The following HIBADH variants were observed in gnomAD, a reference collection of about 807,000 sequenced individuals.
HIBADH encodes 3-hydroxyisobutyrate dehydrogenase.
HIBADH carries 25 observed loss-of-function variants against 36.1 expected under a neutral mutation model. That is an observed-to-expected ratio of 0.69 (90% CI 0.50 to 0.97). The LOEUF is 0.97. HIBADH is among the 50% of genes least tolerant of loss of function. The pLI is 0.00. For synonymous variants in HIBADH, 160 were observed against 149.5 expected (o/e 1.07, Z -0.51); for missense variants, 421 against 418.0 (o/e 1.01, Z -0.06).
chr7:27,646,540 T>C (rs1368845633), intron 2 of HIBADH, among the ~76,000 whole-genome samples: 1 of 150,314 alleles, frequency 6.7e-6, no homozygotes, highest in Non-Finnish European at 1.5e-5. Context: ...TTCTGGTTTG[T>C]TTTTTTTTCT....
chr7:27,626,809 G>T (rs1417149426), intron 4 of HIBADH, among the ~76,000 whole-genome samples: 2 of 152,118 alleles, frequency 1.3e-5, no homozygotes, highest in Non-Finnish European at 2.9e-5. Flanking sequence ...ATAAATCCAT[G>T]ATGCATTTTT....
chr7:27,649,618 A>T lies in HIBADH; in HGVS notation c.107T>A (p.Val36Glu). The part of the protein sequence containing the change: ...GSFAAVCSRS[V>E]ASKTPVGFIG... ...GAATCCAACTGGAGTCTTTGAAGCC[A>T]CTGACCTAGAACACACTGATTTCAA... The change falls in exon 2 of 8, where the codon GTG becomes GAG. Residue 36 changes from valine to glutamate, a missense_variant. Val to Glu is a moderately radical substitution (Grantham distance 121, BLOSUM62 -2). Coordinates refer to ENST00000265395, the MANE Select transcript of HIBADH (RefSeq NM_152740.4). 9 of 1,613,132 alleles carry T rather than the reference A, an allele frequency of 5.6e-6. No individual in the cohort carries two copies. Among genetic ancestry groups the T allele is most frequent in the Non-Finnish European group, 7.6e-6 (9 of 1,179,456 alleles).
At chr7:27,645,720 C>A (rs1189047099) in intron 2 of HIBADH, among the ~76,000 whole-genome samples, 1 of 152,082 alleles carries the variant, frequency 6.6e-6, no homozygotes, top group African/African-American at 2.4e-5. Flanking sequence ...TGATGTTGAG[C>A]ATCTTTTCAC....
At chr7:27,562,131 G>A (rs1309039678) in intron 4 of HIBADH, among the ~76,000 whole-genome samples, 1 of 151,882 alleles carries the variant, frequency 6.6e-6, no homozygotes, top group Non-Finnish European at 1.5e-5. Context: ...TTTCCTCTAT[G>A]TGATTTTTAT....
At position 27,649,457 on chromosome 7, in the gene HIBADH, A is replaced by G; in HGVS notation, c.252+16T>C. ...CATTCTCAAAATCTAAAACAAATCT[A>G]AAGAAAAGGTCTTACCTGTTCACCT... is the stretch of plus-strand genomic sequence containing the variant. On this transcript the variant is annotated intron_variant, in intron 2 of 7. Transcript: ENST00000265395. 2 of 1,559,122 alleles carry G rather than the reference A, an allele frequency of 1.3e-6. No homozygotes were observed. The highest frequency in any genetic ancestry group is 1.2e-5 in the South Asian group (1 of 81,988).
At chr7:27,597,615 C>T (rs1785053152) in intron 4 of HIBADH, among the ~76,000 whole-genome samples, 1 of 152,112 alleles carries the variant, frequency 6.6e-6, no homozygotes, top group Admixed American at 6.5e-5. Context: ...TAGTCAAAGA[C>T]ATGAGTGGAC....
intron 4 of HIBADH, among the ~76,000 whole-genome samples, chr7:27,603,309 C>CA (rs1390901106): frequency 6.6e-6 from 1 of 152,134 alleles, no homozygotes; most frequent in Admixed American, 6.6e-5. Flanking sequence ...GGCACAATTT[C>CA]ATTGTTTTTT....
chr7:27,601,629 G>A lies in HIBADH; in HGVS notation c.484+27742C>T, dbSNP rs187906298. On this transcript the variant is annotated intron_variant, in intron 4 of 7. Coordinates refer to ENST00000265395, the MANE Select transcript of HIBADH (RefSeq NM_152740.4). ...TAAAAATTTAAAAATTTAAGGTAAA[G>A]GGGAAAATACGTAAAGCTGTCCTGT... Among the ~76,000 whole-genome samples, 12 of 152,154 alleles carry A rather than the reference G, an allele frequency of 7.9e-5. No individual in the cohort carries two copies. The East Asian group carries it at 2.3e-3, about 29-fold the overall frequency.
At chr7:27,556,394 ACTTTT>A (rs774053703) in intron 4 of HIBADH, among the ~76,000 whole-genome samples, 3 of 151,688 alleles carry the variant, frequency 2.0e-5, no homozygotes, top group Admixed American at 1.3e-4. Flanking sequence ...TTGCCTTTTA[ACTTTT>A]CTTTTTGTCA....
At chr7:27,631,907 C>T (rs746928099) in intron 3 of HIBADH, among the ~76,000 whole-genome samples, 1 of 152,202 alleles carries the variant, frequency 6.6e-6, no homozygotes, top group Non-Finnish European at 1.5e-5. Flanking sequence ...TACTAACCCA[C>T]AGGACATAAC....
chr7:27,569,553 C>G (rs767340121), intron 4 of HIBADH, among the ~76,000 whole-genome samples: 3 of 152,036 alleles, frequency 2.0e-5, no homozygotes, highest in Non-Finnish European at 4.4e-5. Context: ...AGGGTCAGAT[C>G]TATGTTGTAT....
rs148565588 is a variant in HIBADH at position 27,526,327 on chromosome 7, T to C, written c.898A>G (p.Ile300Val). The C allele has an allele frequency of 9.3e-6, 15 of 1,613,330 alleles. No individual in the cohort carries two copies. The highest frequency in any genetic ancestry group is 1.6e-4 in the Middle Eastern group (1 of 6,062). ...TGATGGGCCAGACTGCCAAGAAGGA[T>C]TGGGCTCTTTGTGCTGGTAGCAGAG... is the stretch of plus-strand genomic sequence containing the variant. ...QDSATSTKSP[I>V]LLGSLAHQIY... Residue 300 changes from isoleucine to valine, a missense_variant, in exon 8 of 8, where the codon ATC becomes GTC. Transcript: ENST00000265395.
chr7:27,571,685 T>C (rs1042066778), intron 4 of HIBADH, among the ~76,000 whole-genome samples: 4 of 151,220 alleles, frequency 2.6e-5, no homozygotes, highest in Admixed American at 2.0e-4. Context: ...ACTGTGAGCT[T>C]ACATTTATTG....
At chr7:27,632,512 G>A (rs1785764830) in intron 2 of HIBADH, 67 bp from the exon 3 acceptor site, 1 of 1,057,338 alleles carries the variant, frequency 9.5e-7, no homozygotes, top group African/African-American at 1.6e-5. Context: ...AGCACAAACA[G>A]GATCCACTTT....
chr7:27,550,190 T>G (rs1054120698), intron 4 of HIBADH, among the ~76,000 whole-genome samples: 1 of 152,176 alleles, frequency 6.6e-6, no homozygotes, highest in African/African-American at 2.4e-5. Context: ...ATTACAGGCA[T>G]GAGTCACCAC....
At chr7:27,619,287 C>T (rs955291512) in intron 4 of HIBADH, among the ~76,000 whole-genome samples, 2 of 152,142 alleles carry the variant, frequency 1.3e-5, no homozygotes, top group Non-Finnish European at 2.9e-5. Flanking sequence ...AATCATGAAA[C>T]CACAGATACA....
At chr7:27,640,705 T>C (rs1785943433) in intron 2 of HIBADH, among the ~76,000 whole-genome samples, 1 of 152,230 alleles carries the variant, frequency 6.6e-6, no homozygotes, top group South Asian at 2.1e-4. Flanking sequence ...TTAGGCTATT[T>C]CATGTTGCAC....
At chr7:27,548,662 T>C (rs781500854) in intron 4 of HIBADH, among the ~76,000 whole-genome samples, 3 of 152,108 alleles carry the variant, frequency 2.0e-5, no homozygotes, top group African/African-American at 4.8e-5. Flanking sequence ...AATATGACCA[T>C]CACAGACAGT....
At chr7:27,557,470 T>A (rs916568786) in intron 4 of HIBADH, among the ~76,000 whole-genome samples, 2 of 152,198 alleles carry the variant, frequency 1.3e-5, no homozygotes, top group Non-Finnish European at 2.9e-5. Flanking sequence ...TGTGCTCCTA[T>A]CACAGAATAT....
Sources: gnomAD v4.1 joint callset for allele counts (sites outside exome capture counted in the v4.1 genomes callset) on GRCh38, gnomAD v4.1.1 for gene constraint, MANE v1.5 for transcripts, NCBI Gene and HGNC (gene_info 2026-07-23, HGNC 2026-07-21) for gene names.